Variants in CDKAL1 observed in about 807,000 individuals in gnomAD.
CDKAL1 encodes threonylcarbamoyladenosine tRNA methylthiotransferase.
CDKAL1 carries 32 observed loss-of-function variants against 68.2 expected under a neutral mutation model. The ratio of observed to expected loss-of-function variants is 0.47; its 90% CI spans 0.35 to 0.63. The LOEUF is 0.63. Among genes scored for constraint, CDKAL1 ranks in the 30% least tolerant of loss-of-function variants. The pLI is 0.00. For synonymous variants in CDKAL1, 234 were observed against 244.3 expected, an observed-to-expected ratio of 0.96 and a Z score of 0.39; for missense variants, 606 against 696.7, an observed-to-expected ratio of 0.87 and a Z score of 1.47.
chr6:21,145,638 C>T (rs1455148649), intron 13 of CDKAL1, among the ~76,000 whole-genome samples: 1 of 152,218 alleles, frequency 6.6e-6, no homozygotes, highest in Non-Finnish European at 1.5e-5. Context: ...GAAAGAATCA[C>T]ACAGATCACT....
intron 9 of CDKAL1, among the ~76,000 whole-genome samples, chr6:20,867,888 G>C (rs1227795501): frequency 6.6e-6 from 1 of 152,054 alleles, no homozygotes; most frequent in Non-Finnish European, 1.5e-5. Flanking sequence ...ATTCATTGTT[G>C]CTCACTAATG....
intron 10 of CDKAL1, among the ~76,000 whole-genome samples, chr6:20,993,317 G>GT (rs112004005): frequency 1.6e-4 from 24 of 149,770 alleles, no homozygotes; most frequent in East Asian, 3.9e-4. Flanking sequence ...TTTTTTGGAG[G>GT]TTTTTTTTTT....
intron 4 of CDKAL1, among the ~76,000 whole-genome samples, chr6:20,572,625 A>G (rs1469641667): frequency 5.9e-5 from 9 of 152,182 alleles, no homozygotes; most frequent in African/African-American, 1.9e-4. Context: ...ACATTGCAGT[A>G]CTTATAACGA....
intron 4 of CDKAL1, among the ~76,000 whole-genome samples, chr6:20,628,373 T>G (rs549607697): frequency 1.3e-5 from 2 of 152,244 alleles, no homozygotes; most frequent in African/African-American, 4.8e-5. Flanking sequence ...CTTTTTTAGC[T>G]GGAAATAGAG....
At chr6:20,731,423 T>G (rs1772920914) in intron 5 of CDKAL1, among the ~76,000 whole-genome samples, 1 of 152,162 alleles carries the variant, frequency 6.6e-6, no homozygotes, top group Non-Finnish European at 1.5e-5. Flanking sequence ...AAACATGGTA[T>G]ATTTCTGAGT....
chr6:20,970,819 A>C (rs1765557128), intron 10 of CDKAL1, among the ~76,000 whole-genome samples: 1 of 152,130 alleles, frequency 6.6e-6, no homozygotes. Context: ...CTTGCCTATG[A>C]TGGTTAATTG....
chr6:21,007,922 C>T (rs1498426), intron 11 of CDKAL1, among the ~76,000 whole-genome samples: 86,793 of 152,030 alleles, frequency 0.57, 25,062 homozygotes, highest in East Asian at 0.84. Context: ...TCCTCTAGCA[C>T]TGGAGACAAT....
chr6:21,059,576 G>A (rs1278987400), intron 11 of CDKAL1, among the ~76,000 whole-genome samples: 1 of 152,148 alleles, frequency 6.6e-6, no homozygotes, highest in East Asian at 1.9e-4. Context: ...GCTCCCAAGT[G>A]AGCCATTGCT....
At chr6:21,135,760 A>T in intron 13 of CDKAL1, 1 of 934,522 alleles carries the variant, frequency 1.1e-6, no homozygotes, top group Non-Finnish European at 1.3e-6. Flanking sequence ...TCAGGAAGGC[A>T]GTGCCAGAAA....
At chr6:20,791,123 T>TGC (rs1775881888) in intron 8 of CDKAL1, among the ~76,000 whole-genome samples, 1 of 152,232 alleles carries the variant, frequency 6.6e-6, no homozygotes, top group African/African-American at 2.4e-5. Flanking sequence ...CGACACCCTC[T>TGC]GCCTAGGCAT....
chr6:21,100,247 C>T (rs994473846), intron 12 of CDKAL1, among the ~76,000 whole-genome samples: 5 of 152,016 alleles, frequency 3.3e-5, no homozygotes, highest in African/African-American at 4.8e-5. Flanking sequence ...ATCAGCTGTA[C>T]ATTTCCACAT....
chr6:21,149,042 CA>C (rs1288764826), intron 13 of CDKAL1, among the ~76,000 whole-genome samples: 3 of 152,048 alleles, frequency 2.0e-5, no homozygotes, highest in Admixed American at 2.0e-4. Context: ...CTTAGGGATA[CA>C]AACCATTAAG....
intron 10 of CDKAL1, 97 bp downstream of exon 10, chr6:20,955,682 T>A: frequency 9.8e-7 from 1 of 1,018,422 alleles, no homozygotes; most frequent in Non-Finnish European, 1.4e-6. Context: ...CATTTAAAAC[T>A]CCTTCACATT....
intron 9 of CDKAL1, among the ~76,000 whole-genome samples, chr6:20,854,510 T>A (rs192309334): frequency 1.8e-4 from 28 of 152,348 alleles, no homozygotes; most frequent in African/African-American, 6.5e-4. Context: ...AACAGTACAT[T>A]ATCACAATCA....
chr6:20,545,494 T>C (rs1363757279), intron 2 of CDKAL1, among the ~76,000 whole-genome samples: 1 of 152,156 alleles, frequency 6.6e-6, no homozygotes, highest in African/African-American at 2.4e-5. Context: ...TGGAGTGCAG[T>C]GGTGCACTCT....
intron 6 of CDKAL1, among the ~76,000 whole-genome samples, chr6:20,740,667 A>G (rs1337077256): frequency 6.6e-6 from 1 of 152,186 alleles, no homozygotes; most frequent in African/African-American, 2.4e-5. Context: ...TACTACTGAC[A>G]GGTTCTTGTA....
At chr6:21,063,782 G>A (rs1771270641) in intron 11 of CDKAL1, among the ~76,000 whole-genome samples, 1 of 151,958 alleles carries the variant, frequency 6.6e-6, no homozygotes, top group African/African-American at 2.4e-5. Flanking sequence ...AAAATAAAAG[G>A]GCAGAGATGA....
chr6:20,679,372 C>A (rs1003525436), intron 5 of CDKAL1, among the ~76,000 whole-genome samples: 1 of 152,186 alleles, frequency 6.6e-6, no homozygotes, highest in Non-Finnish European at 1.5e-5. Flanking sequence ...AACATTTGTA[C>A]ATTGACCTAC....
chr6:20,779,506 G>A (rs532051848), intron 7 of CDKAL1, among the ~76,000 whole-genome samples: 20 of 152,308 alleles, frequency 1.3e-4, no homozygotes, highest in Middle Eastern at 3.4e-3. Context: ...TTATTTTGGG[G>A]TGATGTTCCA....
Sources: allele counts gnomAD v4.1 joint callset (sites outside exome capture counted in the v4.1 genomes callset), GRCh38; gene constraint gnomAD v4.1.1; transcripts MANE v1.5; gene names NCBI Gene and HGNC (gene_info 2026-07-23, HGNC 2026-07-21).